PARK7: variants seen among roughly 807,000 people sequenced by gnomAD.
PARK7 encodes the protein Parkinson disease protein 7.
Under a neutral mutation model 20.5 loss-of-function variants are expected in PARK7, and 14 were observed. The ratio of observed to expected loss-of-function variants is 0.68; its 90% confidence interval spans 0.45 to 1.07. The LOEUF (loss-of-function observed/expected upper bound fraction) is 1.07. PARK7 is among the 50% of genes least tolerant of loss of function. The probability of loss-of-function intolerance (pLI) is 0.00; values close to 1 mark genes in which losing one functional copy is unlikely to be tolerated. For missense variants in PARK7, 234 were observed against 238.1 expected (o/e 0.98, Z 0.11); for synonymous variants, 98 against 84.3 (o/e 1.16, Z -0.89).
At chr1:7,970,072 G>A (rs1640431670) in intron 4 of PARK7, among the ~76,000 whole-genome samples, 2 of 152,010 alleles carry the variant, frequency 1.3e-5, no homozygotes, top group South Asian at 4.2e-4. Flanking sequence ...GTGCACACTT[G>A]TAGTCCCAGC....
chr1:7,979,320 C>T (rs931040718), intron 6 of PARK7, among the ~76,000 whole-genome samples: 2 of 152,162 alleles, frequency 1.3e-5, no homozygotes, highest in African/African-American at 2.4e-5. Context: ...CCCAGGCCCC[C>T]GCCCCTGGCC....
At chr1:7,982,706 AG>A (rs1310067472) in intron 6 of PARK7, among the ~76,000 whole-genome samples, 4 of 152,196 alleles carry the variant, frequency 2.6e-5, no homozygotes, top group Non-Finnish European at 4.4e-5. Context: ...GCCAGTTTCT[AG>A]GTTAGCATTT....
intron 3 of PARK7, among the ~76,000 whole-genome samples, 195 bp downstream of exon 3, chr1:7,965,620 G>A (rs2151428848): frequency 6.6e-6 from 1 of 152,310 alleles, no homozygotes; most frequent in East Asian, 1.9e-4. Context: ...GATACAGAAT[G>A]TGCTTAGTAA....
intron 5 of PARK7, among the ~76,000 whole-genome samples, chr1:7,973,939 G>T (rs1640518294): frequency 6.6e-6 from 1 of 151,374 alleles, no homozygotes; most frequent in South Asian, 2.1e-4. Flanking sequence ...ACCACATTTG[G>T]CTTACTGTTT....
rs1490669574 is a variant in PARK7, at chr1:7,962,795, A to G, written c.10A>G (p.Lys4Glu). MAS[K>E]RALVILAKGA... is the part of the protein sequence containing the mutation. ...AACATATAACATAAAAATGGCTTCC[A>G]AAAGAGCTCTGGTCATCCTGGCTAA... Residue 4 changes from lysine (K) to glutamate (E), a missense_variant, in exon 2 of 7, where the codon AAA becomes GAA. Physicochemically the swap from Lys to Glu is moderately conservative, Grantham distance 56. Coordinates refer to ENST00000338639, the MANE Select transcript of PARK7 (RefSeq NM_007262.5). The G allele has an allele frequency of 6.2e-6, 10 of 1,611,506 alleles. No homozygotes were observed. The highest frequency in any genetic ancestry group is 1.1e-5 in the South Asian group (1 of 91,002).
chr1:7,976,275 CTAAG>C (rs1379241147), intron 5 of PARK7, among the ~76,000 whole-genome samples: 1 of 152,156 alleles, frequency 6.6e-6, no homozygotes, highest in African/African-American at 2.4e-5. Context: ...ACGTATCCTT[CTAAG>C]TGTCATGTGA....
intron 3 of PARK7, 146 bp downstream of exon 3, chr1:7,965,571 G>A (rs574127334): frequency 1.3e-6 from 1 of 748,652 alleles, no homozygotes; most frequent in African/African-American, 1.7e-5. Context: ...TGAGGACTTT[G>A]TCTTTCTATT....
intron 3 of PARK7, among the ~76,000 whole-genome samples, chr1:7,967,858 T>C (rs1479971776): frequency 8.5e-5 from 13 of 152,160 alleles, no homozygotes; most frequent in Non-Finnish European, 5.9e-5. Context: ...AGTTCAAGGC[T>C]GTAGTGAGCC....
At chr1:7,971,963 T>TA (rs753665985) in intron 5 of PARK7, 1 of 151,982 alleles carries the variant, frequency 6.6e-6, no homozygotes, top group African/African-American at 2.4e-5. Context: ...ATAAAATAAA[T>TA]ATTTGTCAGA....
Position 7,962,803 on chromosome 1 carries a change from T to C in PARK7, c.18T>C (p.Ala6=). Residue 6 remains alanine, a synonymous_variant, in exon 2 of 7, where the codon GCT becomes GCC. Coordinates refer to ENST00000338639, the MANE Select transcript of PARK7 (RefSeq NM_007262.5). Reference sequence around the variant, plus strand: ...ACATAAAAATGGCTTCCAAAAGAGCTCTGGTCATCCTGGCTAAAGGAGCAG... The same window carrying C: ...ACATAAAAATGGCTTCCAAAAGAGCCCTGGTCATCCTGGCTAAAGGAGCAG... MASKR[A]LVILAKGAEE... The C allele has an allele frequency of 6.2e-7, 1 of 1,611,204 alleles. No individual in the cohort carries two copies. Among genetic ancestry groups the C allele is most frequent in the Non-Finnish European group, 8.5e-7 (1 of 1,178,730 alleles).
intron 5 of PARK7, among the ~76,000 whole-genome samples, chr1:7,973,994 T>TA (rs970667436): frequency 5.3e-5 from 8 of 151,754 alleles, no homozygotes; most frequent in African/African-American, 1.7e-4. Context: ...GCATGGGCCT[T>TA]ATAGTACTTT....
In PARK7 at chr1:7,968,326, AAAATAAAT is replaced by A. The variant is rs1221607282; in HGVS notation, c.193-1007_193-1000del. The stretch of plus-strand genomic sequence containing the variant: ...TCAAAAAAAAAAAAAAAAGAAAAGA[AAAATAAAT>A]AAATAAATAAAAAGTCCTAAAGTAT... On this transcript the variant is annotated intron_variant, in intron 3 of 6. Coordinates refer to ENST00000338639, the MANE Select transcript of PARK7 (RefSeq NM_007262.5). Among the ~76,000 whole-genome samples, 4 of 149,788 alleles carry A rather than the reference AAAATAAAT, an allele frequency of 2.7e-5. No individual in the cohort carries two copies. The South Asian group carries it at 8.4e-4, about 31-fold the overall frequency.
intron 4 of PARK7, among the ~76,000 whole-genome samples, chr1:7,969,670 T>G (rs1177855984): frequency 6.6e-6 from 1 of 151,878 alleles, no homozygotes; most frequent in Non-Finnish European, 1.5e-5. Context: ...AATCTCCGCC[T>G]CCTGGGTTCA....
At chr1:7,977,559 A>T in intron 5 of PARK7, 93 bp from the exon 6 acceptor site, 1 of 1,117,854 alleles carries the variant, frequency 8.9e-7, no homozygotes, top group Non-Finnish European at 1.3e-6. Context: ...TGCTGGGATT[A>T]CAGGCATGAG....
At chr1:7,982,080 T>G (rs1309178258) in intron 6 of PARK7, among the ~76,000 whole-genome samples, 3 of 149,726 alleles carry the variant, frequency 2.0e-5, no homozygotes, top group Non-Finnish European at 4.4e-5. Flanking sequence ...GTTCAAGTGA[T>G]TCTCCTGTCT....
chr1:7,973,940 C>T (rs1395674096), intron 5 of PARK7, among the ~76,000 whole-genome samples: 1 of 150,846 alleles, frequency 6.6e-6, no homozygotes, highest in East Asian at 2.0e-4. Flanking sequence ...CCACATTTGG[C>T]TTACTGTTTT....
intron 6 of PARK7, among the ~76,000 whole-genome samples, chr1:7,983,149 A>G (rs1640745719): frequency 6.6e-6 from 1 of 152,226 alleles, no homozygotes; most frequent in Non-Finnish European, 1.5e-5. Flanking sequence ...GTGTTCATTG[A>G]ACAGACGTTT....
At chr1:7,969,653 T>C (rs1640415391) in intron 4 of PARK7, among the ~76,000 whole-genome samples, 1 of 152,026 alleles carries the variant, frequency 6.6e-6, no homozygotes, top group South Asian at 2.1e-4. Flanking sequence ...CAATCTCGGC[T>C]CACTGCAATC....
Position 7,965,363 on chromosome 1 carries a change from G to C in PARK7, c.130G>C (p.Val44Leu), listed in dbSNP as rs1640302275. ...TVAGLAGKDP[V>L]QCSRDVVICP... Reference sequence around the variant, plus strand: ...TGCAGGCCTGGCTGGAAAAGACCCAGTACAGTGTAGCCGTGATGTGGTCAT... The same window carrying C: ...TGCAGGCCTGGCTGGAAAAGACCCACTACAGTGTAGCCGTGATGTGGTCAT... Residue 44 changes from valine (V) to leucine (L), a missense_variant, in exon 3 of 7, where the codon GTA becomes CTA. Transcript: ENST00000338639. 6.2e-7 allele frequency: 1 copy of C among 1,614,148 alleles called. No individual in the cohort carries two copies. The highest frequency in any genetic ancestry group is 8.5e-7 in the Non-Finnish European group (1 of 1,180,024).
Sources: gnomAD v4.1 joint callset for allele counts (sites outside exome capture counted in the v4.1 genomes callset) on GRCh38, gnomAD v4.1.1 for gene constraint, MANE v1.5 for transcripts, NCBI Gene and HGNC (gene_info 2026-07-23, HGNC 2026-07-21) for gene names.